The following MAGI3 variants were observed in gnomAD, a reference collection of about 807,000 sequenced individuals.
MAGI3 encodes membrane associated guanylate kinase, WW and PDZ domain containing 3.
Under a neutral mutation model 121.8 loss-of-function variants are expected in MAGI3, and 43 were observed. The observed-to-expected ratio is 0.35, with a 90% CI of 0.28 to 0.46. MAGI3 has a LOEUF of 0.46. MAGI3 is among the 20% of genes least tolerant of loss of function. The pLI is 1.00. For missense variants in MAGI3, 1,547 were observed against 1,797.3 expected (o/e 0.86, Z 2.52); for synonymous variants, 553 against 639.3 (o/e 0.86, Z 2.04).
intron 1 of MAGI3, among the ~76,000 whole-genome samples, chr1:113,478,970 C>G (rs887515342): frequency 1.3e-5 from 2 of 152,218 alleles, no homozygotes; most frequent in African/African-American, 4.8e-5. Flanking sequence ...ATGCCCCTCC[C>G]CCAGCCAGGC....
chr1:113,665,291 C>A (rs1160694772), intron 16 of MAGI3, among the ~76,000 whole-genome samples: 2 of 152,144 alleles, frequency 1.3e-5, no homozygotes, highest in Non-Finnish European at 2.9e-5. Flanking sequence ...TATATATCAA[C>A]TTCCCCTTTA....
chr1:113,662,480 T>C (rs1030878229), intron 16 of MAGI3, among the ~76,000 whole-genome samples: 1 of 152,220 alleles, frequency 6.6e-6, no homozygotes, highest in Non-Finnish European at 1.5e-5. Flanking sequence ...TTTCAAATTT[T>C]TTGTCAGGCC....
intron 1 of MAGI3, among the ~76,000 whole-genome samples, chr1:113,470,490 A>G (rs2101538120): frequency 6.6e-6 from 1 of 152,310 alleles, no homozygotes; most frequent in South Asian, 2.1e-4. Flanking sequence ...TCACGTGGAC[A>G]CATCTATCTG....
chr1:113,488,965 C>G (rs1464244949), intron 1 of MAGI3, among the ~76,000 whole-genome samples: 3 of 152,142 alleles, frequency 2.0e-5, no homozygotes, highest in African/African-American at 7.2e-5. Flanking sequence ...GCGCCCTGCT[C>G]CAGCTGCATT....
At chr1:113,414,919 G>T (rs1652221220) in intron 1 of MAGI3, among the ~76,000 whole-genome samples, 1 of 151,918 alleles carries the variant, frequency 6.6e-6, no homozygotes, top group Non-Finnish European at 1.5e-5. Flanking sequence ...TATTATAAAA[G>T]ACTTTAGAGT....
At chr1:113,521,642 G>A (rs534855807) in intron 1 of MAGI3, among the ~76,000 whole-genome samples, 51 of 151,826 alleles carry the variant, frequency 3.4e-4, no homozygotes, top group African/African-American at 1.0e-3. Context: ...TCCTGACCTC[G>A]TGATCCACCT....
intron 4 of MAGI3, among the ~76,000 whole-genome samples, chr1:113,589,112 A>C (rs748046456): frequency 1.4e-4 from 22 of 152,168 alleles, no homozygotes; most frequent in Non-Finnish European, 2.6e-4. Context: ...GTCAATGGGC[A>C]CAGTTTCTGT....
chr1:113,492,693 G>T (rs528386249), intron 1 of MAGI3, among the ~76,000 whole-genome samples: 1 of 152,124 alleles, frequency 6.6e-6, no homozygotes. Flanking sequence ...CACAAATTCA[G>T]CAAGGTCTCA....
intron 6 of MAGI3, among the ~76,000 whole-genome samples, chr1:113,608,099 C>T (rs748568947): frequency 2.0e-5 from 3 of 152,118 alleles, no homozygotes; most frequent in African/African-American, 7.2e-5. Flanking sequence ...TACCATATGA[C>T]ATGTCTCTCT....
At chr1:113,633,556 C>T (rs1651803240) in intron 9 of MAGI3, among the ~76,000 whole-genome samples, 1 of 152,054 alleles carries the variant, frequency 6.6e-6, no homozygotes, top group Non-Finnish European at 1.5e-5. Flanking sequence ...CCACCGCGCC[C>T]AGCCGAACTC....
chr1:113,573,783 A>G (rs1044161103), intron 2 of MAGI3, among the ~76,000 whole-genome samples: 1 of 152,178 alleles, frequency 6.6e-6, no homozygotes, highest in African/African-American at 2.4e-5. Context: ...CCTAATATTG[A>G]CAGTGGGGTG....
chr1:113,569,776 C>T (rs1660582172), intron 2 of MAGI3, among the ~76,000 whole-genome samples: 1 of 151,932 alleles, frequency 6.6e-6, no homozygotes. Context: ...TTTTTTCTTT[C>T]TTAGAGATAA....
intron 9 of MAGI3, among the ~76,000 whole-genome samples, chr1:113,629,189 TC>T (rs1390973858): frequency 6.6e-6 from 1 of 152,166 alleles, no homozygotes; most frequent in African/African-American, 2.4e-5. Flanking sequence ...TTCTACTTGA[TC>T]GATTCTGCTG....
At chr1:113,521,142 A>G (rs1440762849) in intron 1 of MAGI3, among the ~76,000 whole-genome samples, 2 of 149,072 alleles carry the variant, frequency 1.3e-5, no homozygotes, top group African/African-American at 2.5e-5. Flanking sequence ...GCTGGAGTGC[A>G]GTGGCTCAAT....
intron 1 of MAGI3, among the ~76,000 whole-genome samples, chr1:113,437,247 C>G (rs1653615035): frequency 6.6e-6 from 1 of 151,370 alleles, no homozygotes; most frequent in Non-Finnish European, 1.5e-5. Flanking sequence ...CTTTTCTTTC[C>G]CCTTCCCCCT....
intron 2 of MAGI3, among the ~76,000 whole-genome samples, chr1:113,571,684 C>T (rs1232972459): frequency 1.3e-5 from 2 of 152,154 alleles, no homozygotes; most frequent in Non-Finnish European, 2.9e-5. Context: ...CATGATTTGG[C>T]TCTCTGTTTG....
intron 9 of MAGI3, among the ~76,000 whole-genome samples, chr1:113,624,221 T>C (rs1651076418): frequency 6.6e-6 from 1 of 152,208 alleles, no homozygotes; most frequent in South Asian, 2.1e-4. Flanking sequence ...GGGTATATAC[T>C]CAGCAGTGGG....
chr1:113,646,239 A>G (rs1200996147), intron 11 of MAGI3, among the ~76,000 whole-genome samples: 1 of 152,140 alleles, frequency 6.6e-6, no homozygotes, highest in Non-Finnish European at 1.5e-5. Flanking sequence ...TTGTTTAAAC[A>G]TAGGACTAAC....
intron 2 of MAGI3, among the ~76,000 whole-genome samples, chr1:113,566,001 A>C (rs956925001): frequency 4.6e-5 from 7 of 152,194 alleles, no homozygotes; most frequent in Non-Finnish European, 1.0e-4. Flanking sequence ...TAGTTTGTGC[A>C]GGAGAATTAG....
Sources: gnomAD v4.1 joint callset for allele counts (sites outside exome capture counted in the v4.1 genomes callset) on GRCh38, gnomAD v4.1.1 for gene constraint, MANE v1.5 for transcripts, NCBI Gene and HGNC (gene_info 2026-07-23, HGNC 2026-07-21) for gene names.